CNTNAP5: variants seen among roughly 807,000 people sequenced by gnomAD.
CNTNAP5 encodes contactin associated protein family member 5.
Under a neutral mutation model 150.2 loss-of-function variants are expected in CNTNAP5, and 72 were observed. The ratio of observed to expected loss-of-function variants is 0.48; its 90% CI spans 0.40 to 0.58. The LOEUF (loss-of-function observed/expected upper bound fraction) is 0.58, where lower values mean the gene tolerates loss of function less well. Ranked by LOEUF, CNTNAP5 falls within the 20% of genes least tolerant of loss-of-function variation. CNTNAP5 has a pLI of 0.00. For missense variants in CNTNAP5, 1,636 were observed against 1,626.2 expected (o/e 1.01, Z -0.10); for synonymous variants, 672 against 619.8 (o/e 1.08, Z -1.25).
In CNTNAP5 at chr2:124,747,340, T is replaced by C; in HGVS notation, c.2189T>C (p.Leu730Pro). Residue 730 changes from leucine to proline, a missense_variant, in exon 14 of 24, where the codon CTG becomes CCG. Leu to Pro is a moderately conservative substitution (Grantham distance 98, BLOSUM62 -3). Transcript: ENST00000682447. The part of the protein sequence containing the change: ...QCECGLDESC[L>P]DIQHFCNCDA... The stretch of plus-strand genomic sequence containing the variant: ...GAGTGTGGCCTAGACGAGAGCTGCC[T>C]GGACATTCAGCACTTTTGCAATTGC... The C allele has an allele frequency of 6.2e-7, 1 of 1,613,808 alleles. No individual in the cohort carries two copies. The highest frequency in any genetic ancestry group is 8.5e-7 in the Non-Finnish European group (1 of 1,179,768).
intron 10 of CNTNAP5, among the ~76,000 whole-genome samples, chr2:124,542,454 G>A (rs1370945673): frequency 1.3e-5 from 2 of 151,954 alleles, no homozygotes; most frequent in Non-Finnish European, 2.9e-5. Context: ...AGAGAAGTAA[G>A]GAAAATGGGA....
intron 1 of CNTNAP5, among the ~76,000 whole-genome samples, chr2:124,118,011 A>G (rs988177778): frequency 6.6e-6 from 1 of 152,148 alleles, no homozygotes; most frequent in African/African-American, 2.4e-5. Context: ...ACAGAAGCAT[A>G]CATTTAAAAA....
At chr2:124,479,109 A>AT (rs1321641369) in intron 7 of CNTNAP5, among the ~76,000 whole-genome samples, 1 of 152,220 alleles carries the variant, frequency 6.6e-6, no homozygotes, top group East Asian at 1.9e-4. Context: ...TAAAGTAGAC[A>AT]TAAAAAATAC....
intron 3 of CNTNAP5, among the ~76,000 whole-genome samples, chr2:124,284,681 A>G (rs1263470680): frequency 5.3e-5 from 8 of 152,142 alleles, no homozygotes; most frequent in Admixed American, 5.2e-4. Context: ...TCAAGAAACT[A>G]AAAGGCCCGG....
intron 11 of CNTNAP5, among the ~76,000 whole-genome samples, chr2:124,568,771 C>T (rs375263369): frequency 6.6e-6 from 1 of 152,170 alleles, no homozygotes; most frequent in African/African-American, 2.4e-5. Context: ...TCTGGCCGGG[C>T]GCGGTGGCTC....
rs532222647 is a variant in CNTNAP5 at position 124,760,161 on chromosome 2, T to TG, written c.2235-3507dup. On this transcript the variant is annotated intron_variant, in intron 14 of 23. Coordinates refer to ENST00000682447, the MANE Select transcript of CNTNAP5 (RefSeq NM_001367498.1). ...GTACCCCACTCAGGAGAAGGGGGTG[T>TG]GGGGTCTCTTGAGGTTGATCCACTC... 2.6e-4 allele frequency among the ~76,000 whole-genome samples: 40 copies of TG among 151,878 alleles called. No homozygotes were observed. The South Asian group carries it at 3.3e-3, about 13-fold the overall frequency.
At chr2:124,497,052 G>A (rs77052708) in intron 7 of CNTNAP5, among the ~76,000 whole-genome samples, 1 of 152,172 alleles carries the variant, frequency 6.6e-6, no homozygotes. Context: ...TTGAAGCAGT[G>A]GTGACAGCCT....
chr2:124,825,022 A>G (rs909002168), intron 19 of CNTNAP5, among the ~76,000 whole-genome samples: 5 of 152,208 alleles, frequency 3.3e-5, no homozygotes, highest in Non-Finnish European at 7.3e-5. Flanking sequence ...TATTTCAACT[A>G]CTTACATATT....
chr2:124,283,716 C>A (rs1256205597), intron 3 of CNTNAP5, among the ~76,000 whole-genome samples: 1 of 152,168 alleles, frequency 6.6e-6, no homozygotes, highest in Non-Finnish European at 1.5e-5. Flanking sequence ...TATTTATTTG[C>A]TTCTCACAGT....
At chr2:124,188,636 G>A (rs374336390) in intron 1 of CNTNAP5, among the ~76,000 whole-genome samples, 27 of 145,602 alleles carry the variant, frequency 1.9e-4, no homozygotes, top group South Asian at 1.4e-3. Flanking sequence ...GGAGAATGGC[G>A]TGAACCCAGG....
Position 124,914,570 on chromosome 2 carries a change from C to A in CNTNAP5, c.*282C>A. The stretch of plus-strand genomic sequence containing the variant: ...CAAGGAAGAGACACATGTGTGCACT[C>A]CTGCATGTTCAGTTCTGTACTTCCA... On this transcript the variant is annotated 3_prime_UTR_variant, in exon 24 of 24. Transcript: ENST00000682447. The A allele has an allele frequency of 3.0e-6, 1 of 337,146 alleles. No homozygotes were observed. The highest frequency in any genetic ancestry group is 5.5e-6 in the Non-Finnish European group (1 of 180,398). 20.9% of individuals were successfully genotyped at this position (337,146 alleles called of 1,614,324 possible).
At chr2:124,323,651 G>A (rs886732961) in intron 3 of CNTNAP5, among the ~76,000 whole-genome samples, 6 of 152,108 alleles carry the variant, frequency 3.9e-5, no homozygotes, top group African/African-American at 1.4e-4. Context: ...CAAAGGACAG[G>A]TGTGTCTTCC....
chr2:124,853,079 C>T (rs1683189149), intron 19 of CNTNAP5, among the ~76,000 whole-genome samples: 1 of 152,140 alleles, frequency 6.6e-6, no homozygotes, highest in Non-Finnish European at 1.5e-5. Context: ...TGGAGAAGAG[C>T]CTGCTCTTTC....
chr2:124,764,264 T>A, intron 16 of CNTNAP5, 117 bp downstream of exon 16: 1 of 759,574 alleles, frequency 1.3e-6, no homozygotes, highest in Non-Finnish European at 2.2e-6. Context: ...ACTGGACATC[T>A]GTAAAATTAG....
At chr2:124,308,592 TA>T (rs1159576723) in intron 3 of CNTNAP5, among the ~76,000 whole-genome samples, 1 of 152,216 alleles carries the variant, frequency 6.6e-6, no homozygotes, top group Admixed American at 6.5e-5. Context: ...GAAAAGCACA[TA>T]ATCAGTTTGT....
At chr2:124,507,314 C>T (rs1290260348) in intron 8 of CNTNAP5, among the ~76,000 whole-genome samples, 6 of 151,912 alleles carry the variant, frequency 3.9e-5, no homozygotes, top group Admixed American at 6.6e-5. Flanking sequence ...GAAAATTAGC[C>T]GGGCATGTGG....
chr2:124,543,643 G>A (rs1202500824), intron 10 of CNTNAP5, among the ~76,000 whole-genome samples: 3 of 152,122 alleles, frequency 2.0e-5, no homozygotes, highest in African/African-American at 4.8e-5. Context: ...AATCAGATAC[G>A]GTCCATACAC....
chr2:124,156,684 G>T (rs1179387181), intron 1 of CNTNAP5, among the ~76,000 whole-genome samples: 1 of 152,052 alleles, frequency 6.6e-6, no homozygotes, highest in African/African-American at 2.4e-5. Flanking sequence ...TAGTAGAGAC[G>T]GGGTTTCTCC....
chr2:124,895,974 G>T (rs1177580567), intron 21 of CNTNAP5, among the ~76,000 whole-genome samples: 1 of 151,520 alleles, frequency 6.6e-6, no homozygotes, highest in African/African-American at 2.4e-5. Context: ...GCCTTGTAAG[G>T]CTTGTGGAGT....
Sources: gnomAD v4.1 joint callset for allele counts (sites outside exome capture counted in the v4.1 genomes callset) on GRCh38, gnomAD v4.1.1 for gene constraint, MANE v1.5 for transcripts, NCBI Gene and HGNC (gene_info 2026-07-23, HGNC 2026-07-21) for gene names.